ANKRD31: variants seen among roughly 807,000 people sequenced by gnomAD.
The protein encoded by ANKRD31 is ankyrin repeat domain-containing protein 31.
A neutral mutation model predicts 186.0 loss-of-function variants in ANKRD31; 147 were observed. The ratio of observed to expected loss-of-function variants is 0.79; its 90% CI spans 0.69 to 0.91. The LOEUF is 0.91. Among genes scored for constraint, ANKRD31 ranks in the 40% least tolerant of loss-of-function variants. The pLI is 0.00. For missense variants in ANKRD31, 1,986 were observed against 2,148.8 expected (o/e 0.92, Z 1.50); for synonymous variants, 673 against 736.4 (o/e 0.91, Z 1.39).
intron 17 of ANKRD31, among the ~76,000 whole-genome samples, chr5:75,124,569 G>C (rs1197822494): frequency 6.6e-6 from 1 of 151,692 alleles, no homozygotes. Context: ...AATAAAATGT[G>C]GTAAATAACA....
At chr5:75,132,512 C>T (rs900431728) in intron 17 of ANKRD31, among the ~76,000 whole-genome samples, 1 of 152,102 alleles carries the variant, frequency 6.6e-6, no homozygotes, top group Non-Finnish European at 1.5e-5. Context: ...AAATATGGGA[C>T]TATGTGAAAA....
At chr5:75,101,022 C>G (rs142614279) in intron 22 of ANKRD31, among the ~76,000 whole-genome samples, 1 of 152,150 alleles carries the variant, frequency 6.6e-6, no homozygotes, top group African/African-American at 2.4e-5. Flanking sequence ...CTAGCATCGA[C>G]GGTCTTTACA....
At chr5:75,141,797 G>C (rs536103460) in intron 15 of ANKRD31, among the ~76,000 whole-genome samples, 1 of 152,122 alleles carries the variant, frequency 6.6e-6, no homozygotes, top group East Asian at 1.9e-4. Context: ...ACAAGACCCT[G>C]TCTCAAACAA....
At chr5:75,071,823 G>A (rs1321940063) in intron 25 of ANKRD31, among the ~76,000 whole-genome samples, 1 of 152,124 alleles carries the variant, frequency 6.6e-6, no homozygotes, top group Non-Finnish European at 1.5e-5. Flanking sequence ...ATAAAGCATA[G>A]CAGAAATGAT....
At chr5:75,150,783 A>C (rs1192128365) in intron 12 of ANKRD31, among the ~76,000 whole-genome samples, 1 of 152,056 alleles carries the variant, frequency 6.6e-6, no homozygotes, top group Non-Finnish European at 1.5e-5. Flanking sequence ...GAAGTCAAGC[A>C]GTTAAGCAGA....
intron 18 of ANKRD31, among the ~76,000 whole-genome samples, chr5:75,117,044 C>T (rs193002723): frequency 3.0e-4 from 46 of 152,252 alleles, no homozygotes; most frequent in African/African-American, 1.1e-3. Flanking sequence ...TTCCAAAGTC[C>T]ATGCTCTTAA....
At chr5:75,176,841 G>A (rs1580490049) in intron 10 of ANKRD31, among the ~76,000 whole-genome samples, 1 of 152,192 alleles carries the variant, frequency 6.6e-6, no homozygotes, top group African/African-American at 2.4e-5. Context: ...CTCCTCTAAA[G>A]GAACGCAGCT....
chr5:75,130,800 G>T (rs1382242668), intron 17 of ANKRD31, among the ~76,000 whole-genome samples: 2 of 152,194 alleles, frequency 1.3e-5, no homozygotes, highest in Non-Finnish European at 2.9e-5. Flanking sequence ...CCTTTAGCTA[G>T]ACAGAAAAGT....
At chr5:75,151,932 G>C (rs1751867724) in intron 12 of ANKRD31, among the ~76,000 whole-genome samples, 1 of 151,876 alleles carries the variant, frequency 6.6e-6, no homozygotes, top group Non-Finnish European at 1.5e-5. Flanking sequence ...TGTATTATCA[G>C]GCTTTGGCAC....
intron 17 of ANKRD31, 133 bp from the exon 18 acceptor site, chr5:75,118,430 T>C (rs1252033971): frequency 4.5e-6 from 4 of 882,726 alleles, no homozygotes; most frequent in Non-Finnish European, 6.4e-6. Flanking sequence ...AGAAAATTTT[T>C]TATTAAAATT....
chr5:75,140,919 T>C (rs1751003736), intron 15 of ANKRD31, among the ~76,000 whole-genome samples: 1 of 152,154 alleles, frequency 6.6e-6, no homozygotes, highest in South Asian at 2.1e-4. Flanking sequence ...CTACGAACAA[T>C]TCTGTTAGAG....
At chr5:75,185,232 G>A (rs761276551) in intron 10 of ANKRD31, among the ~76,000 whole-genome samples, 3 of 152,078 alleles carry the variant, frequency 2.0e-5, no homozygotes, top group Non-Finnish European at 2.9e-5. Context: ...GAAAAATTAG[G>A]AAGAGACGGT....
chr5:75,183,481 C>T (rs140778665), intron 10 of ANKRD31, among the ~76,000 whole-genome samples: 577 of 152,138 alleles, frequency 3.8e-3, no homozygotes, highest in African/African-American at 0.013. Context: ...CAAATTGTCC[C>T]TGGTTGTGGA....
intron 10 of ANKRD31, among the ~76,000 whole-genome samples, chr5:75,183,893 A>C (rs988451742): frequency 6.6e-6 from 1 of 152,160 alleles, no homozygotes; most frequent in African/African-American, 2.4e-5. Flanking sequence ...CATTCATCAC[A>C]GGAATAAAAA....
Position 75,180,504 on chromosome 5 carries a change from C to G in ANKRD31, c.1564+7989G>C, listed in dbSNP as rs1219208907. Among the ~76,000 whole-genome samples, 17 of 152,232 alleles carry G rather than the reference C, an allele frequency of 1.1e-4. No individual in the cohort carries two copies. The South Asian group carries it at 3.5e-3, about 32-fold the overall frequency. ...AAGTATACTACAAGGCTACAGTAAC[C>G]AAAACAGCATGGTACTGGTACCAAA... On this transcript the variant is annotated intron_variant, in intron 10 of 25. Transcript: ENST00000506364.
At position 75,138,873 on chromosome 5, in the gene ANKRD31, C is replaced by T. The variant is rs1228146891; in HGVS notation, c.3706G>A (p.Ala1236Thr). 1.3e-6 allele frequency: 2 copies of T among 1,536,508 alleles called. No individual in the cohort carries two copies. The highest frequency in any genetic ancestry group is 1.4e-5 in the African/African-American group (1 of 72,986). The change falls in exon 16 of 26, where the codon GCA becomes ACA. Residue 1236 changes from alanine (A) to threonine (T), a missense_variant. Ala to Thr is a moderately conservative substitution (Grantham distance 58). Coordinates refer to ENST00000506364, the MANE Select transcript of ANKRD31 (RefSeq NM_001372053.1). ...GCATTATCATTTAGATTCACATCTG[C>T]TCCAGATTCTATCAGGGCTTTCACT... Reference protein sequence around the residue: ...PLVKALIESGADVNLNDNAGW... With the variant: ...PLVKALIESGTDVNLNDNAGW...
chr5:75,209,604 CAG>C (rs1756478483), intron 4 of ANKRD31, among the ~76,000 whole-genome samples: 1 of 151,490 alleles, frequency 6.6e-6, no homozygotes. Context: ...TTGAATCTGG[CAG>C]ACAGAGGTTG....
chr5:75,235,325 A>C (rs6889372), intron 1 of ANKRD31, among the ~76,000 whole-genome samples: 1 of 147,966 alleles, frequency 6.8e-6, no homozygotes, highest in Non-Finnish European at 1.5e-5. Context: ...GGCTCATAGC[A>C]ACCTCTGCCT....
chr5:75,099,461 G>A (rs1746630628), intron 22 of ANKRD31, among the ~76,000 whole-genome samples: 1 of 152,156 alleles, frequency 6.6e-6, no homozygotes, highest in Admixed American at 6.5e-5. Flanking sequence ...GAGTTAGGGA[G>A]GATTCTCTCT....
Sources: allele counts gnomAD v4.1 joint callset (sites outside exome capture counted in the v4.1 genomes callset), GRCh38; gene constraint gnomAD v4.1.1; transcripts MANE v1.5; gene names NCBI Gene and HGNC (gene_info 2026-07-23, HGNC 2026-07-21).